CDK19: variants seen among roughly 807,000 people sequenced by gnomAD.
CDK19 encodes the protein cyclin dependent kinase 19, also known as cyclin-dependent kinase 19.
A neutral mutation model predicts 68.3 loss-of-function variants in CDK19; 20 were observed. That is an observed-to-expected ratio of 0.29 (90% CI 0.21 to 0.43). The LOEUF (loss-of-function observed/expected upper bound fraction) is 0.43, where lower values mean the gene tolerates loss of function less well. Among genes scored for constraint, CDK19 ranks in the 20% least tolerant of loss-of-function variants. The probability of loss-of-function intolerance (pLI) is 1.00; values close to 1 mark genes in which losing one functional copy is unlikely to be tolerated. For synonymous variants in CDK19, 221 were observed against 222.8 expected (o/e 0.99, Z 0.07); for missense variants, 339 against 623.5 (o/e 0.54, Z 4.86).
intron 2 of CDK19, among the ~76,000 whole-genome samples, chr6:110,729,768 A>G (rs900292731): frequency 1.3e-5 from 2 of 151,802 alleles, no homozygotes; most frequent in East Asian, 1.9e-4. Context: ...AGGTCTTGCT[A>G]TGTTGCCCAG....
At chr6:110,661,692 G>T (rs1229129210) in intron 4 of CDK19, among the ~76,000 whole-genome samples, 1 of 152,118 alleles carries the variant, frequency 6.6e-6, no homozygotes, top group Non-Finnish European at 1.5e-5. Context: ...ACTTCATTCG[G>T]ATAGACCTCT....
chr6:110,646,586 G>A, intron 4 of CDK19: 1 of 768,864 alleles, frequency 1.3e-6, no homozygotes, highest in Non-Finnish European at 1.9e-6. Context: ...GGGTCAACCG[G>A]GCCAACGGCG....
chr6:110,788,846 CT>C (rs543680579), intron 1 of CDK19, among the ~76,000 whole-genome samples: 328 of 151,718 alleles, frequency 2.2e-3, no homozygotes, highest in Non-Finnish European at 3.6e-3. Context: ...AGGAACTGAA[CT>C]TTTTTTTTCT....
chr6:110,739,287 A>G (rs1777473605), intron 2 of CDK19, among the ~76,000 whole-genome samples: 1 of 152,168 alleles, frequency 6.6e-6, no homozygotes, highest in African/African-American at 2.4e-5. Context: ...GAGAGCCGAG[A>G]GAAATGGTTG....
intron 2 of CDK19, among the ~76,000 whole-genome samples, chr6:110,694,444 G>A (rs9487489): frequency 0.019 from 2,930 of 152,086 alleles, 91 homozygotes; most frequent in African/African-American, 0.067. Context: ...TAAAAGGATC[G>A]GTCCAACAGA....
chr6:110,695,724 C>T (rs1014118919), intron 2 of CDK19, among the ~76,000 whole-genome samples: 5 of 151,946 alleles, frequency 3.3e-5, no homozygotes, highest in Non-Finnish European at 4.4e-5. Flanking sequence ...CACCTTTATG[C>T]GCACAAAGTA....
intron 4 of CDK19, among the ~76,000 whole-genome samples, chr6:110,653,263 C>T (rs1190042943): frequency 6.6e-6 from 1 of 152,148 alleles, no homozygotes; most frequent in Non-Finnish European, 1.5e-5. Flanking sequence ...CAACTCCATC[C>T]AATCCTCAAG....
rs573430203 is a variant in CDK19 at position 110,713,151 on chromosome 6, C to T, written c.204+32975G>A. ...GTTGGAGGTTGCGGTGAGCCAAGATCGTGCCACTGCACTCCAGCCTGATGA... is the reference window on the plus strand; with the variant it reads ...GTTGGAGGTTGCGGTGAGCCAAGATTGTGCCACTGCACTCCAGCCTGATGA... On this transcript the variant is annotated intron_variant, in intron 2 of 12. Coordinates refer to ENST00000368911, the MANE Select transcript of CDK19 (RefSeq NM_015076.5). Among the ~76,000 whole-genome samples, 6 of 148,896 alleles carry T rather than the reference C, an allele frequency of 4.0e-5. No individual in the cohort carries two copies. In the East Asian group the frequency reaches 8.0e-4, roughly 20 times the overall value.
At chr6:110,763,919 A>G (rs1779401482) in intron 1 of CDK19, among the ~76,000 whole-genome samples, 1 of 152,226 alleles carries the variant, frequency 6.6e-6, no homozygotes, top group Non-Finnish European at 1.5e-5. Flanking sequence ...GCAGGGTACA[A>G]GATTAATATA....
In CDK19 at chr6:110,810,104, C is replaced by T. The variant is rs201521326; in HGVS notation, c.128+4905G>A. On this transcript the variant is annotated intron_variant, in intron 1 of 12. Coordinates refer to ENST00000368911, the MANE Select transcript of CDK19 (RefSeq NM_015076.5). ...GAAAGGACTTAAGTACCAGAAAATA[C>T]GAGTTCAATGCTACAGAAGTATATA... Among the ~76,000 whole-genome samples the T allele has an allele frequency of 2.6e-5, 4 of 152,082 alleles. No homozygotes were observed. In the East Asian group the frequency reaches 5.8e-4, roughly 22 times the overall value.
At chr6:110,735,326 T>C (rs1777166249) in intron 2 of CDK19, among the ~76,000 whole-genome samples, 2 of 152,158 alleles carry the variant, frequency 1.3e-5, no homozygotes, top group Admixed American at 1.3e-4. Flanking sequence ...AAAAAAACTT[T>C]ATCAAAACAA....
At chr6:110,804,270 A>G (rs1782524391) in intron 1 of CDK19, among the ~76,000 whole-genome samples, 1 of 152,218 alleles carries the variant, frequency 6.6e-6, no homozygotes, top group Non-Finnish European at 1.5e-5. Context: ...AATACACAAT[A>G]GGTTTAAAGC....
intron 2 of CDK19, among the ~76,000 whole-genome samples, chr6:110,717,948 G>C (rs374465877): frequency 2.6e-5 from 4 of 152,024 alleles, no homozygotes; most frequent in East Asian, 1.9e-4. Context: ...TGATCTGCCC[G>C]CCTCGGCCTC....
At chr6:110,794,567 A>C (rs905325075) in intron 1 of CDK19, among the ~76,000 whole-genome samples, 1 of 149,798 alleles carries the variant, frequency 6.7e-6, no homozygotes, top group African/African-American at 2.5e-5. Flanking sequence ...ACGTCCAGCT[A>C]ATTTTTTTTG....
intron 1 of CDK19, among the ~76,000 whole-genome samples, chr6:110,747,728 T>C (rs952198460): frequency 6.6e-6 from 1 of 152,212 alleles, no homozygotes; most frequent in Non-Finnish European, 1.5e-5. Context: ...CTCAGGCATG[T>C]TTTAAAAAGC....
intron 5 of CDK19, among the ~76,000 whole-genome samples, chr6:110,632,646 G>A (rs1244623263): frequency 3.3e-5 from 5 of 151,190 alleles, no homozygotes; most frequent in African/African-American, 4.9e-5. Flanking sequence ...CAGGAGAATC[G>A]CTTGAACCAG....
At chr6:110,634,564 T>C (rs1303917759) in intron 5 of CDK19, among the ~76,000 whole-genome samples, 2 of 152,214 alleles carry the variant, frequency 1.3e-5, no homozygotes, top group Non-Finnish European at 2.9e-5. Context: ...GTAAGACTTT[T>C]TTGAGAATGC....
At chr6:110,684,903 C>A (rs1375351583) in intron 2 of CDK19, among the ~76,000 whole-genome samples, 1 of 152,156 alleles carries the variant, frequency 6.6e-6, no homozygotes, top group Non-Finnish European at 1.5e-5. Flanking sequence ...CTTTGGGAGG[C>A]TGAGGCAGGT....
At position 110,623,355 on chromosome 6, in the gene CDK19, T is replaced by C. The variant is rs1778833857; in HGVS notation, c.868A>G (p.Asn290Asp). Reference protein sequence around the residue: ...QKDFRRTTYANSSLIKYMEKH... With the variant: ...QKDFRRTTYADSSLIKYMEKH... ...TCCATGTACTTTATGAGGCTACTGT[T>C]GGCATACCTGCAAGGACACGCACAG... is the stretch of plus-strand genomic sequence containing the variant. Residue 290 changes from asparagine (N) to aspartate (D), a missense_variant, in exon 9 of 13, where the codon AAC (asparagine) becomes GAC (aspartate). By Grantham distance (23) the Asn-to-Asp change is conservative. Transcript: ENST00000368911. The C allele has an allele frequency of 6.2e-7, 1 of 1,613,776 alleles. No homozygotes were observed. The highest frequency in any genetic ancestry group is 8.5e-7 in the Non-Finnish European group (1 of 1,179,778).
Sources: gnomAD v4.1 joint callset for allele counts (sites outside exome capture counted in the v4.1 genomes callset) on GRCh38, gnomAD v4.1.1 for gene constraint, MANE v1.5 for transcripts, NCBI Gene and HGNC (gene_info 2026-07-23, HGNC 2026-07-21) for gene names.